The following LSAMP variants were observed in gnomAD, a reference collection of about 807,000 sequenced individuals.
LSAMP encodes the protein limbic system associated membrane protein, also known as limbic system-associated membrane protein.
LSAMP carries 7 observed loss-of-function variants against 38.6 expected under a neutral mutation model. The observed-to-expected ratio is 0.18, with a 90% CI of 0.10 to 0.34. The LOEUF (loss-of-function observed/expected upper bound fraction) is 0.34. Among genes scored for constraint, LSAMP ranks in the 10% least tolerant of loss-of-function variants. The pLI is 1.00. For synonymous variants in LSAMP, 154 were observed against 166.8 expected, an observed-to-expected ratio of 0.92 and a Z score of 0.59; for missense variants, 313 against 420.0, an observed-to-expected ratio of 0.75 and a Z score of 2.23.
intron 1 of LSAMP, among the ~76,000 whole-genome samples, chr3:116,420,518 AAC>A (rs1165775433): frequency 6.6e-6 from 1 of 152,182 alleles, no homozygotes. Context: ...AGGACAAACT[AAC>A]ATATTTCAGC....
chr3:116,107,160 T>C (rs1226435611), intron 1 of LSAMP, among the ~76,000 whole-genome samples: 2 of 151,932 alleles, frequency 1.3e-5, no homozygotes, highest in African/African-American at 4.8e-5. Flanking sequence ...GATACAGTCA[T>C]GAAGGTCAGG....
chr3:115,899,887 C>A (rs1936830769), intron 3 of LSAMP, among the ~76,000 whole-genome samples: 1 of 152,004 alleles, frequency 6.6e-6, no homozygotes, highest in African/African-American at 2.4e-5. Flanking sequence ...AGGGACAGAC[C>A]CAGTTTCCAA....
At chr3:116,403,591 T>C (rs1232478252) in intron 1 of LSAMP, among the ~76,000 whole-genome samples, 1 of 152,188 alleles carries the variant, frequency 6.6e-6, no homozygotes, top group Non-Finnish European at 1.5e-5. Context: ...AAAAGTCTAA[T>C]TGAAATAATT....
chr3:116,094,914 G>A lies in LSAMP; in HGVS notation c.156-8358C>T, dbSNP rs148003877. Among the ~76,000 whole-genome samples the A allele has an allele frequency of 2.6e-5, 4 of 152,208 alleles. No individual in the cohort carries two copies. The East Asian group carries it at 5.8e-4, about 22-fold the overall frequency. On this transcript the variant is annotated intron_variant, in intron 1 of 6. Transcript: ENST00000490035. ...CAGCATAGTTCTTTAAATCAAATGA[G>A]GTGACGTACATAGAAACATTTCATA...
chr3:116,443,633 C>T (rs1251013759), intron 1 of LSAMP, among the ~76,000 whole-genome samples: 1 of 152,138 alleles, frequency 6.6e-6, no homozygotes, highest in African/African-American at 2.4e-5. Context: ...CTCCCTGATG[C>T]CCCAGGGTTT....
chr3:116,429,262 G>A (rs1260768958), intron 1 of LSAMP, among the ~76,000 whole-genome samples: 1 of 152,144 alleles, frequency 6.6e-6, no homozygotes, highest in African/African-American at 2.4e-5. Context: ...GTAAATTAAA[G>A]TCACTTTACA....
At chr3:115,946,480 T>C (rs1938099953) in intron 3 of LSAMP, among the ~76,000 whole-genome samples, 2 of 152,152 alleles carry the variant, frequency 1.3e-5, no homozygotes, top group South Asian at 4.1e-4. Flanking sequence ...AGAAAACAGC[T>C]GCTAAGAGGC....
At chr3:115,854,053 ACT>A (rs1935415301) in intron 3 of LSAMP, among the ~76,000 whole-genome samples, 1 of 151,688 alleles carries the variant, frequency 6.6e-6, no homozygotes. Flanking sequence ...CTATAACACA[ACT>A]CTCTGGATAT....
At chr3:116,335,112 A>T (rs1460437964) in intron 1 of LSAMP, among the ~76,000 whole-genome samples, 1 of 152,088 alleles carries the variant, frequency 6.6e-6, no homozygotes, top group Non-Finnish European at 1.5e-5. Flanking sequence ...AAATTACAAA[A>T]CCAATGTTAT....
intron 1 of LSAMP, 105 bp from the exon 2 acceptor site, chr3:116,086,661 T>C (rs1707995738): frequency 1.2e-6 from 1 of 830,922 alleles, no homozygotes; most frequent in Non-Finnish European, 2.0e-6. Context: ...AATAATTATA[T>C]GCAGAATGAA....
At chr3:116,407,413 T>C (rs988070284) in intron 1 of LSAMP, among the ~76,000 whole-genome samples, 3 of 152,054 alleles carry the variant, frequency 2.0e-5, no homozygotes, top group Non-Finnish European at 2.9e-5. Flanking sequence ...ATTGCAAATC[T>C]TAAATATAGA....
chr3:116,008,687 A>AT (rs373457876), intron 3 of LSAMP, among the ~76,000 whole-genome samples: 55 of 146,642 alleles, frequency 3.8e-4, no homozygotes, highest in Middle Eastern at 3.6e-3. Context: ...CCCCACCAAT[A>AT]TTTTTTTTTT....
chr3:115,907,574 TA>T (rs1937038384), intron 3 of LSAMP, among the ~76,000 whole-genome samples: 1 of 152,154 alleles, frequency 6.6e-6, no homozygotes, highest in African/African-American at 2.4e-5. Context: ...CTACACAGAC[TA>T]AGATATTCAT....
At chr3:116,250,696 T>C (rs1463782342) in intron 1 of LSAMP, among the ~76,000 whole-genome samples, 2 of 17,618 alleles carry the variant, frequency 1.1e-4, no homozygotes, top group Non-Finnish European at 1.2e-4. Context: ...ACCTTGTATC[T>C]ACAAAAAAAA....
intron 1 of LSAMP, among the ~76,000 whole-genome samples, chr3:116,428,201 T>C (rs2107867326): frequency 6.6e-6 from 1 of 152,272 alleles, no homozygotes; most frequent in East Asian, 1.9e-4. Context: ...ATTTCTTTAT[T>C]AAGAAGATCT....
chr3:115,939,585 T>TTTCTTTCTCTTTCTTTCTTTC (rs58450242), intron 3 of LSAMP, among the ~76,000 whole-genome samples: 1 of 150,214 alleles, frequency 6.7e-6, no homozygotes, highest in African/African-American at 2.5e-5. Context: ...TCTTTCTTTC[T>TTTCTTTCTCTTTCTTTCTTTC]GTTAAGAGAC....
intron 2 of LSAMP, among the ~76,000 whole-genome samples, chr3:116,028,674 T>C (rs1940849013): frequency 2.0e-5 from 3 of 152,136 alleles, no homozygotes; most frequent in Admixed American, 2.0e-4. Flanking sequence ...ATTTATTACA[T>C]ACTAAAACTA....
At chr3:116,023,122 A>G (rs1366368250) in intron 2 of LSAMP, among the ~76,000 whole-genome samples, 2 of 151,776 alleles carry the variant, frequency 1.3e-5, no homozygotes, top group African/African-American at 2.4e-5. Flanking sequence ...TATAAGCGTG[A>G]TGTATATATA....
rs1053544905 is a variant in LSAMP at position 116,235,038 on chromosome 3, T to A, written c.156-148482A>T. On this transcript the variant is annotated intron_variant, in intron 1 of 6. Transcript: ENST00000490035. ...TAGCATTATATTTCCACAGAAAAAA[T>A]ATTCTAAAAGACATAATTTGGAACA... Among the ~76,000 whole-genome samples the A allele has an allele frequency of 4.1e-5, 6 of 145,260 alleles. No homozygotes were observed. The East Asian group carries it at 6.2e-4, about 15-fold the overall frequency.
Sources: allele counts gnomAD v4.1 joint callset (sites outside exome capture counted in the v4.1 genomes callset), GRCh38; gene constraint gnomAD v4.1.1; transcripts MANE v1.5; gene names NCBI Gene and HGNC (gene_info 2026-07-23, HGNC 2026-07-21).